CDH18: variants seen among roughly 807,000 people sequenced by gnomAD.
The protein encoded by CDH18 is cadherin-18.
A neutral mutation model predicts 67.9 loss-of-function variants in CDH18; 31 were observed. The ratio of observed to expected loss-of-function variants is 0.46; its 90% CI spans 0.34 to 0.62. CDH18 has a LOEUF of 0.62. Among genes scored for constraint, CDH18 ranks in the 20% least tolerant of loss-of-function variants. CDH18 has a pLI of 0.01. For synonymous variants in CDH18, 362 were observed against 347.2 expected (o/e 1.04, Z -0.48); for missense variants, 890 against 975.5 (o/e 0.91, Z 1.17).
At chr5:20,087,620 T>C (rs1399824644) in intron 2 of CDH18, among the ~76,000 whole-genome samples, 1 of 152,186 alleles carries the variant, frequency 6.6e-6, no homozygotes, top group Non-Finnish European at 1.5e-5. Context: ...GGAAAAAAGA[T>C]TACAACTGGC....
At chr5:20,374,128 C>T (rs145315904) in intron 1 of CDH18, among the ~76,000 whole-genome samples, 13 of 152,094 alleles carry the variant, frequency 8.5e-5, no homozygotes, top group Admixed American at 3.9e-4. Context: ...GCCAAGTTCC[C>T]GTGTTATTCT....
intron 2 of CDH18, among the ~76,000 whole-genome samples, chr5:19,952,850 A>G (rs1055202734): frequency 1.3e-5 from 2 of 152,166 alleles, no homozygotes; most frequent in Non-Finnish European, 2.9e-5. Flanking sequence ...AGTAAAATGT[A>G]GTTATACAGT....
intron 3 of CDH18, among the ~76,000 whole-genome samples, chr5:19,781,083 C>T (rs1301273180): frequency 6.6e-6 from 1 of 151,894 alleles, no homozygotes; most frequent in Non-Finnish European, 1.5e-5. Flanking sequence ...TTTCCATAAC[C>T]AATTTAAAAC....
chr5:20,243,080 C>G (rs1454151555), intron 2 of CDH18, among the ~76,000 whole-genome samples: 1 of 152,108 alleles, frequency 6.6e-6, no homozygotes, highest in African/African-American at 2.4e-5. Context: ...TCCAGTGGCT[C>G]AGGGAATCAG....
chr5:20,367,114 A>G lies in CDH18; in HGVS notation c.-579-111609T>C, dbSNP rs374633306. Among the ~76,000 whole-genome samples, 253 of 152,216 alleles carry G rather than the reference A, an allele frequency of 1.7e-3. 1 individual carries two copies. The highest frequency in any genetic ancestry group is 5.9e-3 in the African/African-American group (245 of 41,532). On this transcript the variant is annotated intron_variant, in intron 1 of 14. Coordinates refer to the CDH18 transcript ENST00000507958. ...ATTAGCCCGACAGCTCTCATGCACT[A>G]AACAGTATGAGTTTCTGATAGAATA...
intron 10 of CDH18, among the ~76,000 whole-genome samples, chr5:19,511,716 G>A (rs1219160819): frequency 6.6e-6 from 1 of 152,040 alleles, no homozygotes; most frequent in Admixed American, 6.6e-5. Context: ...GAGCACCCTG[G>A]TGCTCTTAAA....
At chr5:19,874,727 C>T (rs1344031780) in intron 2 of CDH18, among the ~76,000 whole-genome samples, 1 of 152,136 alleles carries the variant, frequency 6.6e-6, no homozygotes, top group Non-Finnish European at 1.5e-5. Flanking sequence ...TTACTGAATG[C>T]TCACAAGACC....
chr5:19,860,078 T>C (rs895227603), intron 2 of CDH18, among the ~76,000 whole-genome samples: 1 of 151,728 alleles, frequency 6.6e-6, no homozygotes, highest in East Asian at 1.9e-4. Flanking sequence ...CACATTTTAC[T>C]CCTAACTGGA....
chr5:19,584,806 A>AAAAG (rs1554052871), intron 7 of CDH18, among the ~76,000 whole-genome samples: 1 of 148,100 alleles, frequency 6.8e-6, no homozygotes, highest in Middle Eastern at 3.2e-3. Context: ...AAAAAAAAAA[A>AAAAG]AAAAAAGAAA....
At chr5:20,285,418 A>ATAATC (rs1400551249) in intron 1 of CDH18, among the ~76,000 whole-genome samples, 1 of 140,988 alleles carries the variant, frequency 7.1e-6, no homozygotes, top group African/African-American at 2.6e-5. Context: ...ATAATATAAT[A>ATAATC]TAATATAATC....
intron 1 of CDH18, among the ~76,000 whole-genome samples, chr5:20,546,002 T>C (rs1230272264): frequency 6.6e-6 from 1 of 152,204 alleles, no homozygotes; most frequent in Non-Finnish European, 1.5e-5. Context: ...AATGCTTTGC[T>C]GCTTAGAAAT....
chr5:20,459,633 A>T (rs1751107072), intron 1 of CDH18, among the ~76,000 whole-genome samples: 1 of 152,098 alleles, frequency 6.6e-6, no homozygotes, highest in African/African-American at 2.4e-5. Flanking sequence ...AATTATATGG[A>T]TGGGCTCTGG....
intron 8 of CDH18, among the ~76,000 whole-genome samples, chr5:19,554,685 T>C (rs1381754523): frequency 1.3e-5 from 2 of 152,116 alleles, no homozygotes; most frequent in East Asian, 3.9e-4. Flanking sequence ...TATGCACACC[T>C]TCCCAGAACA....
At chr5:20,082,576 C>CCTT (rs1744577917) in intron 2 of CDH18, among the ~76,000 whole-genome samples, 1 of 152,028 alleles carries the variant, frequency 6.6e-6, no homozygotes, top group African/African-American at 2.4e-5. Flanking sequence ...AGTTATGTTT[C>CCTT]CTTCCTATTA....
At chr5:20,272,182 A>C (rs2126668585) in intron 1 of CDH18, among the ~76,000 whole-genome samples, 1 of 152,220 alleles carries the variant, frequency 6.6e-6, no homozygotes, top group South Asian at 2.1e-4. Context: ...GTGGACTTAA[A>C]GTAGAGATCT....
At chr5:20,079,126 A>T (rs1317196705) in intron 2 of CDH18, among the ~76,000 whole-genome samples, 2 of 152,258 alleles carry the variant, frequency 1.3e-5, no homozygotes, top group East Asian at 3.9e-4. Flanking sequence ...CATTAACTAT[A>T]GTCACCACGC....
chr5:19,926,209 AC>A (rs1793070139), intron 2 of CDH18, among the ~76,000 whole-genome samples: 1 of 152,162 alleles, frequency 6.6e-6, no homozygotes, highest in Non-Finnish European at 1.5e-5. Context: ...CTGTGTATTC[AC>A]TAAAGTCTGA....
intron 3 of CDH18, among the ~76,000 whole-genome samples, chr5:19,747,853 A>G (rs1770238367): frequency 6.6e-6 from 1 of 151,732 alleles, no homozygotes; most frequent in Non-Finnish European, 1.5e-5. Context: ...TCACGCCTGT[A>G]ATCCCAGCAC....
At chr5:19,914,134 A>G (rs1282190872) in intron 2 of CDH18, among the ~76,000 whole-genome samples, 1 of 152,112 alleles carries the variant, frequency 6.6e-6, no homozygotes, top group Non-Finnish European at 1.5e-5. Flanking sequence ...GGAGAGATAT[A>G]GTCAATGGGG....
Sources: gnomAD v4.1 joint callset for allele counts (sites outside exome capture counted in the v4.1 genomes callset) on GRCh38, gnomAD v4.1.1 for gene constraint, MANE v1.5 for transcripts, NCBI Gene and HGNC (gene_info 2026-07-23, HGNC 2026-07-21) for gene names.